Variants in SUGCT observed in about 807,000 individuals in gnomAD.
SUGCT encodes the protein succinyl-CoA:glutarate-CoA transferase.
Under a neutral mutation model 55.0 loss-of-function variants are expected in SUGCT, and 41 were observed. The ratio of observed to expected loss-of-function variants is 0.74; its 90% CI spans 0.58 to 0.97. The LOEUF is 0.97. Ranked by LOEUF, SUGCT falls within the 50% of genes least tolerant of loss-of-function variation. The pLI, the probability that SUGCT is intolerant of heterozygous loss-of-function variation, is 0.00. For synonymous variants in SUGCT, 187 were observed against 200.4 expected (o/e 0.93, Z 0.56); for missense variants, 568 against 547.8 (o/e 1.04, Z -0.37).
At chr7:40,780,808 C>A (rs55744420) in intron 13 of SUGCT, among the ~76,000 whole-genome samples, 13,928 of 136,024 alleles carry the variant, frequency 0.1, 700 homozygotes, top group Middle Eastern at 0.21. Flanking sequence ...TTGCCTTTAA[C>A]AAATTTAAAA....
intron 13 of SUGCT, among the ~76,000 whole-genome samples, chr7:40,776,667 T>A (rs1245126233): frequency 6.6e-6 from 1 of 152,242 alleles, no homozygotes; most frequent in African/African-American, 2.4e-5. Flanking sequence ...GCTGAATCTC[T>A]TTGTGCTCTA....
chr7:40,353,306 C>T (rs890283833), intron 9 of SUGCT, among the ~76,000 whole-genome samples: 1 of 152,044 alleles, frequency 6.6e-6, no homozygotes, highest in Non-Finnish European at 1.5e-5. Context: ...ACTCATAGAC[C>T]AGCAGCATAG....
At chr7:40,914,381 A>T in the SUGCT span, among the ~76,000 whole-genome samples, 1 of 151,404 alleles carries the variant, frequency 6.6e-6, no homozygotes, top group Non-Finnish European at 1.5e-5. Context: ...GCACCCACTA[A>T]CTCGTCATCT....
chr7:41,015,750 T>C, the SUGCT span, among the ~76,000 whole-genome samples: 1 of 152,228 alleles, frequency 6.6e-6, no homozygotes, highest in Admixed American at 6.5e-5. Flanking sequence ...TCCTACAGTG[T>C]GGGCAAGCAC....
chr7:40,526,363 C>T (rs1793796327), intron 12 of SUGCT, among the ~76,000 whole-genome samples: 1 of 152,156 alleles, frequency 6.6e-6, no homozygotes, highest in South Asian at 2.1e-4. Context: ...ACTGTTTTCA[C>T]CATCAGGATT....
intron 8 of SUGCT, among the ~76,000 whole-genome samples, chr7:40,295,736 T>C (rs1794094948): frequency 6.6e-6 from 1 of 152,234 alleles, no homozygotes; most frequent in South Asian, 2.1e-4. Flanking sequence ...TATGTCATAA[T>C]GTAAACATTG....
At chr7:40,386,761 C>T (rs1011729229) in intron 9 of SUGCT, among the ~76,000 whole-genome samples, 11 of 152,314 alleles carry the variant, frequency 7.2e-5, no homozygotes, top group East Asian at 1.9e-4. Flanking sequence ...TGGGCCCAGG[C>T]GCTCTTAATG....
At chr7:40,946,077 G>A in the SUGCT span, among the ~76,000 whole-genome samples, 6 of 151,552 alleles carry the variant, frequency 4.0e-5, no homozygotes, top group East Asian at 1.9e-4. Context: ...GATGATGCAC[G>A]CGATGGTGAT....
the SUGCT span, among the ~76,000 whole-genome samples, chr7:40,865,929 C>T: frequency 3.3e-5 from 5 of 152,166 alleles, no homozygotes; most frequent in East Asian, 5.8e-4. Context: ...TTTGCCACAT[C>T]GCTCCCCATG....
the SUGCT span, among the ~76,000 whole-genome samples, chr7:40,956,428 G>A: frequency 6.6e-5 from 10 of 152,244 alleles, no homozygotes; most frequent in South Asian, 2.1e-3. Flanking sequence ...GGTGTTTATA[G>A]TATTCTCTGA....
At chr7:40,303,460 T>G (rs554863331) in intron 8 of SUGCT, among the ~76,000 whole-genome samples, 5 of 152,260 alleles carry the variant, frequency 3.3e-5, no homozygotes, top group Non-Finnish European at 7.4e-5. Context: ...ATTCCATCCT[T>G]TAAATGTCTC....
intron 8 of SUGCT, among the ~76,000 whole-genome samples, chr7:40,313,426 G>A (rs1252136859): frequency 1.3e-5 from 2 of 152,032 alleles, no homozygotes; most frequent in Non-Finnish European, 2.9e-5. Flanking sequence ...TCACATCATA[G>A]CTATTGACTT....
chr7:40,586,497 A>G (rs2151723353), intron 12 of SUGCT, among the ~76,000 whole-genome samples: 1 of 152,286 alleles, frequency 6.6e-6, no homozygotes, highest in East Asian at 1.9e-4. Context: ...TCCTGGAGGA[A>G]GAGGAACTTG....
intron 12 of SUGCT, among the ~76,000 whole-genome samples, chr7:40,614,569 T>C (rs935608697): frequency 2.0e-5 from 3 of 152,190 alleles, no homozygotes; most frequent in African/African-American, 7.2e-5. Context: ...ACCAGCTTAA[T>C]GGTAGTTGTG....
chr7:41,032,601 T>C, the SUGCT span, among the ~76,000 whole-genome samples: 1 of 152,326 alleles, frequency 6.6e-6, no homozygotes, highest in East Asian at 1.9e-4. Flanking sequence ...TGGTGGAGCC[T>C]ACCTTCAGAT....
chr7:40,174,257 A>G (rs10081355), intron 1 of SUGCT, among the ~76,000 whole-genome samples: 58,716 of 151,810 alleles, frequency 0.39, 12,758 homozygotes, highest in Middle Eastern at 0.58. Context: ...TCCTGACCTC[A>G]GGTGATCCTC....
At chr7:40,724,340 C>A (rs1334427492) in intron 12 of SUGCT, among the ~76,000 whole-genome samples, 1 of 152,126 alleles carries the variant, frequency 6.6e-6, no homozygotes, top group Non-Finnish European at 1.5e-5. Context: ...CCAAGGCGGG[C>A]AGATGACAAG....
At chr7:40,860,124 T>C (rs1451021207) in intron 13 of SUGCT, among the ~76,000 whole-genome samples, 192 bp from the exon 14 acceptor site, 1 of 152,236 alleles carries the variant, frequency 6.6e-6, no homozygotes, top group Non-Finnish European at 1.5e-5. Context: ...ACTGCACATT[T>C]GGATGAACCT....
intron 7 of SUGCT, among the ~76,000 whole-genome samples, chr7:40,255,943 ATAGT>A (rs1363179814): frequency 1.3e-5 from 2 of 152,108 alleles, no homozygotes; most frequent in African/African-American, 2.4e-5. Context: ...GAAGGTGTAG[ATAGT>A]TGTTAACTCC....
Sources: allele counts gnomAD v4.1 joint callset (sites outside exome capture counted in the v4.1 genomes callset), GRCh38; gene constraint gnomAD v4.1.1; transcripts MANE v1.5; gene names NCBI Gene and HGNC (gene_info 2026-07-23, HGNC 2026-07-21).